Variants in ITPR1 observed in about 807,000 individuals in gnomAD.
ITPR1 encodes inositol 1,4,5-trisphosphate-gated calcium channel ITPR1.
In ITPR1, 96 loss-of-function variants were observed where a neutral mutation model predicts 318.4. The observed-to-expected ratio is 0.30, with a 90% CI of 0.26 to 0.36. The LOEUF (loss-of-function observed/expected upper bound fraction) is 0.36, where lower values mean the gene tolerates loss of function less well. Among genes scored for constraint, ITPR1 ranks in the 10% least tolerant of loss-of-function variants. ITPR1 has a pLI of 1.00. For synonymous variants in ITPR1, 1,312 were observed against 1,289.9 expected (o/e 1.02, Z -0.37); for missense variants, 2,440 against 3,460.2 (o/e 0.71, Z 7.40).
intron 8 of ITPR1, among the ~76,000 whole-genome samples, chr3:4,644,511 T>G (rs1321873138): frequency 6.6e-6 from 1 of 152,248 alleles, no homozygotes; most frequent in Non-Finnish European, 1.5e-5. Context: ...AAGCCAGAGA[T>G]GAACCCTTTT....
At position 4,685,207 on chromosome 3, in the gene ITPR1, G is replaced by C; in HGVS notation, c.3702+1G>C. ...GCTGCTGCAGATTCCCTATGAGAAG[G>C]TGAGCGGTGCCTCATGCACAGCAGC... On this transcript the variant is annotated splice_donor_variant, in intron 30 of 61. Coordinates refer to ENST00000649015, the MANE Select transcript of ITPR1 (RefSeq NM_001378452.1). LOFTEE classifies it high-confidence loss of function. The C allele has an allele frequency of 6.3e-7, 1 of 1,599,130 alleles. No homozygotes were observed. The highest frequency in any genetic ancestry group is 8.5e-7 in the Non-Finnish European group (1 of 1,176,896).
Position 4,667,512 on chromosome 3 carries a change from A to G in ITPR1, c.1849A>G (p.Thr617Ala). ...EKHITAAEIDTFVSLVRKNRE... is the reference protein window; with the variant it reads ...EKHITAAEIDAFVSLVRKNRE... ...ACACATTACCGCGGCAGAGATTGAC[A>G]CATTTGTCAGCCTGGTGCGAAAGAA... Residue 617 changes from threonine to alanine, a missense_variant, in exon 18 of 62, where the codon ACA becomes GCA. Coordinates refer to ENST00000649015, the MANE Select transcript of ITPR1 (RefSeq NM_001378452.1). 6.2e-7 allele frequency: 1 copy of G among 1,613,588 alleles called. No homozygotes were observed. The highest frequency in any genetic ancestry group is 8.5e-7 in the Non-Finnish European group (1 of 1,179,656).
In ITPR1 at chr3:4,811,397, C is replaced by G; in HGVS notation, c.7405C>G (p.Leu2469Val). The G allele has an allele frequency of 1.9e-6, 3 of 1,614,014 alleles. No homozygotes were observed. Among genetic ancestry groups the G allele is most frequent in the Non-Finnish European group, 2.5e-6 (3 of 1,179,870 alleles). ...LVYLFSIVGY[L>V]FFKDDFILEV... ...TTACCTGTTCTCAATAGTGGGCTAT[C>G]TTTTCTTCAAGGATGACTTTATCTT... Residue 2469 changes from leucine (L) to valine (V), a missense_variant, in exon 56 of 62, where the codon CTT (leucine) becomes GTT (valine). Physicochemically the swap from Leu to Val is conservative, Grantham distance 32. This residue lies in a region of ITPR1 where 88 missense variants were observed against 90.5 expected (regional missense o/e 0.97). Coordinates refer to ENST00000649015, the MANE Select transcript of ITPR1 (RefSeq NM_001378452.1).
At chr3:4,804,915 T>TAGA (rs1426456693) in intron 54 of ITPR1, among the ~76,000 whole-genome samples, 3 of 152,032 alleles carry the variant, frequency 2.0e-5, no homozygotes, top group Non-Finnish European at 4.4e-5. Context: ...CCAAGGGAGC[T>TAGA]AGAGTAGCAG....
chr3:4,801,795 A>AT (rs1343200236), intron 54 of ITPR1, among the ~76,000 whole-genome samples: 1 of 152,070 alleles, frequency 6.6e-6, no homozygotes, highest in Non-Finnish European at 1.5e-5. Flanking sequence ...TAAATAAATA[A>AT]TTTTTAAAAA....
intron 44 of ITPR1, among the ~76,000 whole-genome samples, chr3:4,741,598 A>AG (rs2043708594): frequency 6.6e-6 from 1 of 151,942 alleles, no homozygotes; most frequent in Non-Finnish European, 1.5e-5. Context: ...AACAAGTGTT[A>AG]GATAGGAAAT....
At chr3:4,599,713 G>T (rs938643632) in intron 4 of ITPR1, among the ~76,000 whole-genome samples, 4 of 152,206 alleles carry the variant, frequency 2.6e-5, no homozygotes, top group African/African-American at 9.7e-5. Flanking sequence ...CCCCTACTCC[G>T]ACAGTGGCTG....
chr3:4,832,352 T>C (rs2106534811), intron 60 of ITPR1, among the ~76,000 whole-genome samples: 1 of 152,350 alleles, frequency 6.6e-6, no homozygotes, highest in African/African-American at 2.4e-5. Flanking sequence ...ACATGGCCCA[T>C]GTGGCCTGCA....
At chr3:4,724,998 C>T (rs2042406089) in intron 40 of ITPR1, among the ~76,000 whole-genome samples, 1 of 152,092 alleles carries the variant, frequency 6.6e-6, no homozygotes, top group Non-Finnish European at 1.5e-5. Context: ...AGACTGCATC[C>T]CCTAAGCCCA....
At chr3:4,568,713 A>G (rs2087654674) in intron 4 of ITPR1, among the ~76,000 whole-genome samples, 2 of 152,184 alleles carry the variant, frequency 1.3e-5, no homozygotes, top group African/African-American at 4.8e-5. Context: ...GTGTGGCTGG[A>G]ATAGAGGGAG....
intron 4 of ITPR1, among the ~76,000 whole-genome samples, chr3:4,523,753 A>G (rs142327042): frequency 9.1e-4 from 138 of 152,294 alleles, no homozygotes; most frequent in African/African-American, 3.2e-3. Context: ...TGAACCAGGG[A>G]CTGTTTGAAT....
At chr3:4,522,412 G>C (rs1018393432) in intron 4 of ITPR1, among the ~76,000 whole-genome samples, 8 of 152,152 alleles carry the variant, frequency 5.3e-5, no homozygotes, top group African/African-American at 1.9e-4. Context: ...GAATAAAATA[G>C]AACTCAGACG....
At chr3:4,504,818 C>G (rs1455297751) in intron 2 of ITPR1, among the ~76,000 whole-genome samples, 1 of 152,140 alleles carries the variant, frequency 6.6e-6, no homozygotes, top group Non-Finnish European at 1.5e-5. Context: ...TTTTCTCTAC[C>G]TCGTATTTAC....
intron 56 of ITPR1, among the ~76,000 whole-genome samples, chr3:4,812,550 A>G (rs545378833): frequency 1.3e-5 from 2 of 152,326 alleles, no homozygotes; most frequent in African/African-American, 4.8e-5. Context: ...ATGGTACCCA[A>G]GTGCCCTCTT....
At chr3:4,745,558 C>A (rs1361080318) in intron 44 of ITPR1, among the ~76,000 whole-genome samples, 1 of 152,192 alleles carries the variant, frequency 6.6e-6, no homozygotes, top group Admixed American at 6.5e-5. Context: ...CTTCTCAGGG[C>A]ATATACGGTT....
intron 51 of ITPR1, 89 bp from the exon 52 acceptor site, chr3:4,787,858 T>G: frequency 1.1e-6 from 1 of 873,204 alleles, no homozygotes. Context: ...ATACTCAATC[T>G]TGACCACCGA....
At position 4,735,059 on chromosome 3, in the gene ITPR1, C is replaced by A. The variant is rs775486748; in HGVS notation, c.5354-105C>A. Reference sequence around the variant, plus strand: ...GATTAAAAGGGTTAAAAGAGATGAACATGGGTAAAGCATTTAGTGCATAAA... The same window carrying A: ...GATTAAAAGGGTTAAAAGAGATGAAAATGGGTAAAGCATTTAGTGCATAAA... On this transcript the variant is annotated intron_variant, in intron 43 of 61. Transcript: ENST00000649015. 4.8e-6 allele frequency: 4 copies of A among 827,044 alleles called. 1 individual carries two copies. The Middle Eastern group carries it at 1.0e-3, about 207-fold the overall frequency. 51.2% of individuals were successfully genotyped at this position (827,044 alleles called of 1,614,324 possible).
intron 43 of ITPR1, among the ~76,000 whole-genome samples, chr3:4,734,772 T>C (rs142936659): frequency 5.2e-4 from 79 of 152,356 alleles, no homozygotes; most frequent in African/African-American, 1.8e-3. Context: ...CATTATAGGC[T>C]GAGCTTCCTT....
chr3:4,843,496 A>C (rs1822223), intron 61 of ITPR1, among the ~76,000 whole-genome samples: 136,306 of 152,248 alleles, frequency 0.9, 61,181 homozygotes, highest in South Asian at 0.96. Flanking sequence ...TCGTTAGAAA[A>C]GCAGATTCAT....
Sources: allele counts gnomAD v4.1 joint callset (sites outside exome capture counted in the v4.1 genomes callset), GRCh38; gene constraint gnomAD v4.1.1; regional missense constraint gnomAD v4.1.1; transcripts MANE v1.5; gene names NCBI Gene and HGNC (gene_info 2026-07-23, HGNC 2026-07-21).